RBFOX1: variants seen among roughly 807,000 people sequenced by gnomAD.
The protein encoded by RBFOX1 is RNA binding protein fox-1 homolog 1.
RBFOX1 carries 8 observed loss-of-function variants against 57.7 expected under a neutral mutation model. The ratio of observed to expected loss-of-function variants is 0.14; its 90% confidence interval spans 0.08 to 0.25. The LOEUF (loss-of-function observed/expected upper bound fraction) is 0.25, where lower values mean the gene tolerates loss of function less well. Ranked by LOEUF, RBFOX1 falls within the 10% of genes least tolerant of loss-of-function variation. The pLI is 1.00. For synonymous variants in RBFOX1, 326 were observed against 222.4 expected (o/e 1.47, Z -4.15); for missense variants, 611 against 548.5 (o/e 1.11, Z -1.14).
chr16:7,206,218 A>T (rs995873578), intron 4 of RBFOX1, among the ~76,000 whole-genome samples: 29 of 152,150 alleles, frequency 1.9e-4, no homozygotes, highest in Non-Finnish European at 4.3e-4. Flanking sequence ...CCAGTAGGTA[A>T]AGTGGATTTA....
At chr16:5,799,127 G>C (rs1340896122) in intron 3 of RBFOX1, among the ~76,000 whole-genome samples, 1 of 152,086 alleles carries the variant, frequency 6.6e-6, no homozygotes, top group Non-Finnish European at 1.5e-5. Context: ...GCAGGTGAAA[G>C]GCACATCTTA....
chr16:5,678,193 C>G (rs576592776), intron 3 of RBFOX1, among the ~76,000 whole-genome samples: 1 of 152,278 alleles, frequency 6.6e-6, no homozygotes, highest in African/African-American at 2.4e-5. Context: ...GGCTCTGGTT[C>G]CAGCAGCCCA....
rs566137613 is a variant in RBFOX1, at chr16:6,638,779, G to A, written c.-63-15824G>A. Among the ~76,000 whole-genome samples, 6 of 152,294 alleles carry A rather than the reference G, an allele frequency of 3.9e-5. No homozygotes were observed. In the East Asian group the frequency reaches 9.6e-4, roughly 24 times the overall value. On this transcript the variant is annotated intron_variant, in intron 2 of 15. Transcript: ENST00000550418. ...CGCTATTGTAACTCCATGCTGGTTTGGTTGGTGCAGGTGTTTGGGTGATGG... is the reference window on the plus strand; with the variant it reads ...CGCTATTGTAACTCCATGCTGGTTTAGTTGGTGCAGGTGTTTGGGTGATGG...
chr16:6,870,985 C>T (rs112259259), intron 3 of RBFOX1, among the ~76,000 whole-genome samples: 1,596 of 152,220 alleles, frequency 0.01, 27 homozygotes, highest in African/African-American at 0.037. Context: ...TGGATGAAGC[C>T]CACTATCCAG....
chr16:7,545,046 A>G (rs2084040781), intron 5 of RBFOX1, among the ~76,000 whole-genome samples: 1 of 152,360 alleles, frequency 6.6e-6, no homozygotes, highest in Admixed American at 6.5e-5. Context: ...TGCATCAAAC[A>G]GTGTCTACTA....
intron 4 of RBFOX1, among the ~76,000 whole-genome samples, chr16:7,277,693 G>A (rs566206150): frequency 6.6e-6 from 1 of 152,174 alleles, no homozygotes; most frequent in East Asian, 1.9e-4. Context: ...GATACCCATC[G>A]AAAAATCAAA....
chr16:6,575,862 AAAAT>A (rs60635526), intron 2 of RBFOX1, among the ~76,000 whole-genome samples: 3,253 of 145,512 alleles, frequency 0.022, 42 homozygotes, highest in Non-Finnish European at 0.027. Flanking sequence ...ATCTCAATAA[AAAAT>A]AAATAAATAA....
chr16:6,765,133 C>T (rs774055733), intron 3 of RBFOX1, among the ~76,000 whole-genome samples: 23 of 151,920 alleles, frequency 1.5e-4, no homozygotes, highest in Admixed American at 1.1e-3. Flanking sequence ...GCAAGTAAAA[C>T]GACAGGGAAT....
At chr16:7,232,412 A>G (rs964279591) in intron 4 of RBFOX1, among the ~76,000 whole-genome samples, 1 of 152,210 alleles carries the variant, frequency 6.6e-6, no homozygotes, top group African/African-American at 2.4e-5. Flanking sequence ...AGCTTCAAAC[A>G]AGTGAATATT....
chr16:6,316,511 G>A (rs1253887029), intron 1 of RBFOX1, among the ~76,000 whole-genome samples: 2 of 152,154 alleles, frequency 1.3e-5, no homozygotes, highest in Non-Finnish European at 2.9e-5. Context: ...TTCTAGCGTT[G>A]AAAGGAAATT....
intron 3 of RBFOX1, among the ~76,000 whole-genome samples, chr16:5,758,090 G>T (rs2053463092): frequency 6.6e-6 from 1 of 152,132 alleles, no homozygotes; most frequent in Non-Finnish European, 1.5e-5. Flanking sequence ...AGAATTCTGA[G>T]GCTGACCACC....
intron 3 of RBFOX1, among the ~76,000 whole-genome samples, chr16:6,675,292 G>A (rs751107372): frequency 1.2e-4 from 19 of 152,136 alleles, no homozygotes; most frequent in Non-Finnish European, 1.3e-4. Flanking sequence ...GAAAATCGAG[G>A]GATATCTGGC....
At chr16:7,240,628 C>T (rs898798713) in intron 4 of RBFOX1, among the ~76,000 whole-genome samples, 6 of 152,122 alleles carry the variant, frequency 3.9e-5, no homozygotes, top group Non-Finnish European at 7.3e-5. Flanking sequence ...GATCACAGCT[C>T]ACTGCAGCCT....
intron 4 of RBFOX1, among the ~76,000 whole-genome samples, chr16:7,096,462 G>C (rs1000019139): frequency 1.3e-5 from 2 of 152,116 alleles, no homozygotes; most frequent in Non-Finnish European, 2.9e-5. Flanking sequence ...CAGCAGCCCT[G>C]GTGGGTGGAC....
intron 4 of RBFOX1, among the ~76,000 whole-genome samples, chr16:7,191,641 G>A (rs1201387633): frequency 3.9e-5 from 6 of 152,174 alleles, no homozygotes; most frequent in Non-Finnish European, 5.9e-5. Flanking sequence ...TTTAAGCTAG[G>A]CATATCATTA....
At chr16:7,378,447 A>C (rs1455346651) in intron 4 of RBFOX1, among the ~76,000 whole-genome samples, 1 of 152,186 alleles carries the variant, frequency 6.6e-6, no homozygotes, top group East Asian at 1.9e-4. Context: ...ATTTCATCGC[A>C]GAACTGCTGT....
chr16:6,629,975 A>ATTT (rs1567955460), intron 2 of RBFOX1, among the ~76,000 whole-genome samples: 29 of 120,428 alleles, frequency 2.4e-4, no homozygotes, highest in African/African-American at 8.6e-4. Context: ...TTTTTTTTTA[A>ATTT]AAAAAAAAAA....
chr16:5,890,697 GAAAAAA>G (rs71404558), intron 4 of RBFOX1, among the ~76,000 whole-genome samples: 2 of 61,468 alleles, frequency 3.3e-5, no homozygotes, highest in African/African-American at 6.2e-5. Context: ...AGTCTGTATT[GAAAAAA>G]AAAAAAAAAA....
rs190364044 is a variant in RBFOX1 at position 6,305,916 on chromosome 16, A to C, written c.-126-11079A>C. On this transcript the variant is annotated intron_variant, in intron 1 of 15. Transcript: ENST00000550418. ...ACCCCTTAGGAGCTGGACATGAGGTAGGTAGGAAGTTGAGCTTCAAGAAGG... is the reference window on the plus strand; with the variant it reads ...ACCCCTTAGGAGCTGGACATGAGGTCGGTAGGAAGTTGAGCTTCAAGAAGG... 7.7e-4 allele frequency among the ~76,000 whole-genome samples: 117 copies of C among 152,166 alleles called. 1 individual carries two copies. Among genetic ancestry groups the C allele is most frequent in the African/African-American group, 2.5e-3 (103 of 41,552 alleles).
Sources: gnomAD v4.1 joint callset for allele counts (sites outside exome capture counted in the v4.1 genomes callset) on GRCh38, gnomAD v4.1.1 for gene constraint, MANE v1.5 for transcripts, NCBI Gene and HGNC (gene_info 2026-07-23, HGNC 2026-07-21) for gene names.